Variants in ESCO1 observed in about 807,000 individuals in gnomAD.
The protein encoded by ESCO1 is establishment of sister chromatid cohesion N-acetyltransferase 1.
A neutral mutation model predicts 83.5 loss-of-function variants in ESCO1; 33 were observed. The ratio of observed to expected loss-of-function variants is 0.40; its 90% CI spans 0.30 to 0.53. The LOEUF (loss-of-function observed/expected upper bound fraction) is 0.53, where lower values mean the gene tolerates loss of function less well. Among genes scored for constraint, ESCO1 ranks in the 20% least tolerant of loss-of-function variants. The pLI is 0.63. For synonymous variants in ESCO1, 332 were observed against 324.3 expected (o/e 1.02, Z -0.25); for missense variants, 855 against 968.0 (o/e 0.88, Z 1.55).
At chr18:21,562,705 G>A (rs1013935372) in intron 7 of ESCO1, among the ~76,000 whole-genome samples, 4 of 151,362 alleles carry the variant, frequency 2.6e-5, no homozygotes, top group African/African-American at 7.3e-5. Flanking sequence ...AGTACTTTGG[G>A]TGCCTTAATT....
At chr18:21,538,206 C>T (rs951535017) in intron 9 of ESCO1, among the ~76,000 whole-genome samples, 1 of 149,592 alleles carries the variant, frequency 6.7e-6, no homozygotes, top group African/African-American at 2.5e-5. Flanking sequence ...AATCCCAGCA[C>T]TTTTGGAGGC....
chr18:21,546,912 T>C (rs1429466434), intron 8 of ESCO1, among the ~76,000 whole-genome samples: 2 of 152,174 alleles, frequency 1.3e-5, no homozygotes, highest in African/African-American at 4.8e-5. Context: ...CGGTCCCCCA[T>C]TTACCTCTTT....
chr18:21,585,941 G>T (rs1024287015), intron 1 of ESCO1, among the ~76,000 whole-genome samples: 9 of 151,964 alleles, frequency 5.9e-5, no homozygotes, highest in Middle Eastern at 6.8e-3. Flanking sequence ...ATATTTCTGG[G>T]GTACATGTGA....
At chr18:21,537,110 A>C (rs1466109990) in intron 9 of ESCO1, among the ~76,000 whole-genome samples, 1 of 152,210 alleles carries the variant, frequency 6.6e-6, no homozygotes, top group Non-Finnish European at 1.5e-5. Context: ...TGTGAACCCA[A>C]AATGTTACTA....
rs758822383 is a variant in ESCO1 at position 21,574,629 on chromosome 18, T to G, written c.215A>C (p.Lys72Thr). ...AGTAGCTTTATCATTAGATGCTGCC[T>G]TTGATGACCTTGTACTCATGCGTGT... The part of the protein sequence containing the change: ...LETRMSTRSS[K>T]AASNDKATKS... The change falls in exon 4 of 12, where the codon AAG becomes ACG. Residue 72 changes from lysine to threonine, a missense_variant. Coordinates refer to ENST00000269214, the MANE Select transcript of ESCO1 (RefSeq NM_052911.3). 2.5e-6 allele frequency: 4 copies of G among 1,614,050 alleles called. No homozygotes were observed. The highest frequency in any genetic ancestry group is 3.4e-6 in the Non-Finnish European group (4 of 1,180,006).
At chr18:21,557,480 G>C (rs933933211) in intron 8 of ESCO1, among the ~76,000 whole-genome samples, 1 of 151,652 alleles carries the variant, frequency 6.6e-6, no homozygotes, top group Non-Finnish European at 1.5e-5. Flanking sequence ...CAAAGCTAAT[G>C]TATGATTTAT....
intron 2 of ESCO1, among the ~76,000 whole-genome samples, chr18:21,576,286 G>C (rs2038417746): frequency 1.3e-5 from 2 of 152,124 alleles, no homozygotes; most frequent in South Asian, 4.1e-4. Flanking sequence ...GAGGCAGAAG[G>C]TTAAAGCCAA....
intron 2 of ESCO1, among the ~76,000 whole-genome samples, chr18:21,577,537 G>A (rs1437637151): frequency 6.6e-6 from 1 of 151,558 alleles, no homozygotes; most frequent in Non-Finnish European, 1.5e-5. Flanking sequence ...GCAGGTGCCT[G>A]TAGTACCAGC....
chr18:21,591,293 G>A (rs938832174), intron 1 of ESCO1, among the ~76,000 whole-genome samples: 3 of 152,156 alleles, frequency 2.0e-5, no homozygotes, highest in African/African-American at 7.2e-5. Flanking sequence ...GTGGTCATAG[G>A]CCCAGGAATG....
At position 21,536,200 on chromosome 18, in the gene ESCO1, A is replaced by T. The variant is rs768458264; in HGVS notation, c.2044-15T>A. On this transcript the variant is annotated splice_polypyrimidine_tract_variant and intron_variant, in intron 9 of 11. Coordinates refer to ENST00000269214, the MANE Select transcript of ESCO1 (RefSeq NM_052911.3). ...ATCTCGTCAACCTGCCAAATAAAGA[A>T]CAGTAATTATTTTTAAATGAAAATA... 6.2e-7 allele frequency: 1 copy of T among 1,602,902 alleles called. No homozygotes were observed. The highest frequency in any genetic ancestry group is 1.1e-5 in the South Asian group (1 of 88,200).
chr18:21,561,069 T>C, intron 7 of ESCO1, 79 bp from the exon 8 acceptor site: 1 of 1,378,664 alleles, frequency 7.3e-7, no homozygotes, highest in Non-Finnish European at 9.6e-7. Flanking sequence ...GGCTATAGTG[T>C]GAGCATAAAG....
intron 8 of ESCO1, among the ~76,000 whole-genome samples, chr18:21,556,091 C>T (rs2038109063): frequency 6.6e-6 from 1 of 150,580 alleles, no homozygotes; most frequent in Non-Finnish European, 1.5e-5. Flanking sequence ...TCTGTCTCTA[C>T]AAAAAATACA....
chr18:21,592,794 C>T (rs1297783026), intron 1 of ESCO1, among the ~76,000 whole-genome samples: 4 of 143,576 alleles, frequency 2.8e-5, no homozygotes, highest in Non-Finnish European at 4.6e-5. Flanking sequence ...ACTTCTCAGA[C>T]GGGGCGGCTG....
chr18:21,546,047 A>G (rs1039705349), intron 8 of ESCO1, among the ~76,000 whole-genome samples: 1 of 152,240 alleles, frequency 6.6e-6, no homozygotes, highest in Non-Finnish European at 1.5e-5. Context: ...TGACATACAC[A>G]TGGAAAAATT....
intron 8 of ESCO1, chr18:21,540,461 G>T: frequency 1.2e-6 from 1 of 840,902 alleles, no homozygotes; most frequent in Non-Finnish European, 1.5e-6. Flanking sequence ...AAGACCTCCA[G>T]GAGGTTTTAA....
Position 21,573,846 on chromosome 18 carries a change from T to A in ESCO1, c.998A>T (p.Glu333Val). ...CAATTTTATTTCTGTGGGCTTTTCT[T>A]CCTTTACACTTTCCATTTGTGAAGA... ...KESSQMESVKEEKPTEIKLEE... is the reference protein window; with the variant it reads ...KESSQMESVKVEKPTEIKLEE... Residue 333 changes from glutamate to valine, a missense_variant, in exon 4 of 12, where the codon GAA becomes GTA. By Grantham distance (121) the Glu-to-Val change is moderately radical (BLOSUM62 -2). Coordinates refer to ENST00000269214, the MANE Select transcript of ESCO1 (RefSeq NM_052911.3). The A allele has an allele frequency of 6.2e-7, 1 of 1,613,898 alleles. No individual in the cohort carries two copies. Among genetic ancestry groups the A allele is most frequent in the Non-Finnish European group, 8.5e-7 (1 of 1,179,998 alleles).
intron 2 of ESCO1, among the ~76,000 whole-genome samples, chr18:21,579,771 G>GACAC (rs200274564): frequency 8.5e-6 from 1 of 117,894 alleles, no homozygotes; most frequent in African/African-American, 3.4e-5. Context: ...GCGAGATTCT[G>GACAC]ACACACACAC....
At chr18:21,568,733 T>C (rs1169457466) in intron 4 of ESCO1, among the ~76,000 whole-genome samples, 1 of 151,934 alleles carries the variant, frequency 6.6e-6, no homozygotes, top group Non-Finnish European at 1.5e-5. Context: ...TGAAACCTCG[T>C]CTCTACTAAA....
At chr18:21,591,108 C>A (rs1476751654) in intron 1 of ESCO1, among the ~76,000 whole-genome samples, 2 of 152,084 alleles carry the variant, frequency 1.3e-5, no homozygotes, top group Non-Finnish European at 2.9e-5. Flanking sequence ...AAGGTCTTTG[C>A]AGACATAATC....
Sources: allele counts gnomAD v4.1 joint callset (sites outside exome capture counted in the v4.1 genomes callset), GRCh38; gene constraint gnomAD v4.1.1; transcripts MANE v1.5; gene names NCBI Gene and HGNC (gene_info 2026-07-23, HGNC 2026-07-21).